CLEC16A: variants seen among roughly 807,000 people sequenced by gnomAD.
CLEC16A encodes the protein C-type lectin domain containing 16A.
In CLEC16A, 51 loss-of-function variants were observed where a neutral mutation model predicts 109.5. The observed-to-expected ratio is 0.47, with a 90% CI of 0.37 to 0.59. The LOEUF (loss-of-function observed/expected upper bound fraction) is 0.59, where lower values mean the gene tolerates loss of function less well. Among genes scored for constraint, CLEC16A ranks in the 20% least tolerant of loss-of-function variants. CLEC16A has a pLI of 0.00. For synonymous variants in CLEC16A, 673 were observed against 564.2 expected (o/e 1.19, Z -2.73); for missense variants, 1,339 against 1,394.0 (o/e 0.96, Z 0.63).
intron 3 of CLEC16A, among the ~76,000 whole-genome samples, chr16:10,968,685 G>A (rs916165023): frequency 3.7e-4 from 56 of 152,312 alleles, no homozygotes; most frequent in African/African-American, 1.2e-3. Flanking sequence ...ATGTAGTAGG[G>A]ATTCAGCAGG....
At chr16:10,983,558 C>G (rs1005612787) in intron 10 of CLEC16A, among the ~76,000 whole-genome samples, 1 of 152,194 alleles carries the variant, frequency 6.6e-6, no homozygotes, top group African/African-American at 2.4e-5. Flanking sequence ...AAGCTTTGGA[C>G]TAAGTAGCAT....
chr16:11,087,387 C>G (rs9888908), intron 19 of CLEC16A, among the ~76,000 whole-genome samples: 4 of 152,054 alleles, frequency 2.6e-5, no homozygotes, highest in Non-Finnish European at 4.4e-5. Context: ...ACTTTTCGTC[C>G]TACAGCACAG....
At position 11,008,916 on chromosome 16, in the gene CLEC16A, G is replaced by A. The variant is rs538460655; in HGVS notation, c.1303+5611G>A. On this transcript the variant is annotated intron_variant, in intron 11 of 23. Transcript: ENST00000409790. ...CGGGAGGCTGAGGCAGGAGAATGGCGTGAACCCGGGAGGCGGAGCTTGCAG... is the reference window on the plus strand; with the variant it reads ...CGGGAGGCTGAGGCAGGAGAATGGCATGAACCCGGGAGGCGGAGCTTGCAG... Among the ~76,000 whole-genome samples, 17 of 151,824 alleles carry A rather than the reference G, an allele frequency of 1.1e-4. No individual in the cohort carries two copies. The South Asian group carries it at 2.3e-3, about 20-fold the overall frequency.
chr16:11,057,078 G>A (rs2048249374), intron 18 of CLEC16A: 1 of 153,872 alleles, frequency 6.5e-6, no homozygotes, highest in African/African-American at 2.4e-5. Context: ...TATTTCTTTA[G>A]GATAAGTTCC....
chr16:11,112,663 A>G (rs568255777), intron 19 of CLEC16A, among the ~76,000 whole-genome samples: 16 of 151,856 alleles, frequency 1.1e-4, no homozygotes, highest in African/African-American at 3.6e-4. Flanking sequence ...ATCTCAGTCA[A>G]TACATACATA....
At chr16:11,039,689 C>T in intron 13 of CLEC16A, 65 bp from the exon 14 acceptor site, 3 of 1,534,072 alleles carry the variant, frequency 2.0e-6, no homozygotes, top group East Asian at 2.4e-5. Flanking sequence ...CTCTACAGGA[C>T]CTTTCGGTAT....
chr16:11,021,945 G>A (rs531525580), intron 12 of CLEC16A, among the ~76,000 whole-genome samples: 11 of 152,172 alleles, frequency 7.2e-5, no homozygotes, highest in Admixed American at 2.0e-4. Flanking sequence ...TATTTCTCCC[G>A]CCACCAAAAA....
intron 15 of CLEC16A, among the ~76,000 whole-genome samples, chr16:11,043,254 A>C (rs1455258043): frequency 5.3e-5 from 8 of 152,086 alleles, no homozygotes; most frequent in African/African-American, 1.9e-4. Context: ...CCCTATCTCT[A>C]AAAAAACAAA....
intron 22 of CLEC16A, among the ~76,000 whole-genome samples, chr16:11,140,603 C>G (rs1057340874): frequency 1.3e-5 from 2 of 152,248 alleles, no homozygotes; most frequent in Non-Finnish European, 2.9e-5. Flanking sequence ...GTCCTCCTGT[C>G]CCCACCATGT....
intron 19 of CLEC16A, among the ~76,000 whole-genome samples, chr16:11,093,074 G>A (rs535678960): frequency 1.3e-4 from 20 of 152,254 alleles, no homozygotes; most frequent in South Asian, 2.1e-4. Flanking sequence ...TCCTCCTCCT[G>A]TACCCCCCAC....
intron 2 of CLEC16A, among the ~76,000 whole-genome samples, chr16:10,960,509 A>G (rs543106587): frequency 1.3e-5 from 2 of 152,194 alleles, no homozygotes; most frequent in Non-Finnish European, 2.9e-5. Context: ...CAATATCCAC[A>G]TGACATCCTG....
At chr16:10,977,144 C>T in intron 7 of CLEC16A, 81 bp from the exon 8 acceptor site, 1 of 1,310,652 alleles carries the variant, frequency 7.6e-7, no homozygotes, top group Non-Finnish European at 1.1e-6. Flanking sequence ...CTCACAGTGA[C>T]CTAAGTCTCA....
At chr16:11,059,023 C>T (rs2048349637) in intron 18 of CLEC16A, among the ~76,000 whole-genome samples, 2 of 152,176 alleles carry the variant, frequency 1.3e-5, no homozygotes, top group South Asian at 4.1e-4. Context: ...GTTTAAGTTT[C>T]CTGGTGCACT....
intron 22 of CLEC16A, among the ~76,000 whole-genome samples, chr16:11,139,526 C>T (rs915770851): frequency 1.3e-5 from 2 of 152,174 alleles, no homozygotes; most frequent in Non-Finnish European, 2.9e-5. Context: ...GGCTGTTTTG[C>T]AACATCTCTT....
At chr16:11,028,297 C>T (rs533981524) in intron 13 of CLEC16A, among the ~76,000 whole-genome samples, 35 of 152,278 alleles carry the variant, frequency 2.3e-4, no homozygotes, top group East Asian at 5.8e-4. Flanking sequence ...TTGGGTGCTG[C>T]GTCGTCTGAA....
intron 5 of CLEC16A, chr16:10,972,333 G>T: frequency 7.2e-6 from 4 of 555,724 alleles, no homozygotes; most frequent in Admixed American, 6.9e-5. Context: ...AACGTGGCAG[G>T]CTTGTAAGAT....
At chr16:11,152,879 GC>G (rs2054350620) in intron 22 of CLEC16A, among the ~76,000 whole-genome samples, 1 of 152,118 alleles carries the variant, frequency 6.6e-6, no homozygotes. Context: ...GCGTTCGGGC[GC>G]CAGGGGTCAT....
intron 22 of CLEC16A, among the ~76,000 whole-genome samples, chr16:11,148,462 C>G (rs1373063911): frequency 6.6e-6 from 1 of 152,030 alleles, no homozygotes; most frequent in African/African-American, 2.4e-5. Flanking sequence ...AGACACTGTG[C>G]CAAGCAAGGT....
At chr16:11,047,264 C>T (rs1477894826) in intron 16 of CLEC16A, 28 bp from the exon 17 acceptor site, 18 of 1,589,638 alleles carry the variant, frequency 1.1e-5, no homozygotes, top group Non-Finnish European at 1.5e-5. Context: ...TGAATAATCT[C>T]CTCTTCCCTC....
Sources: allele counts gnomAD v4.1 joint callset (sites outside exome capture counted in the v4.1 genomes callset), GRCh38; gene constraint gnomAD v4.1.1; transcripts MANE v1.5; gene names NCBI Gene and HGNC (gene_info 2026-07-23, HGNC 2026-07-21).